WNT9A: variants seen among roughly 807,000 people sequenced by gnomAD.
WNT9A encodes Wnt family member 9A.
In WNT9A, 8 loss-of-function variants were observed where a neutral mutation model predicts 31.4. That is an observed-to-expected ratio of 0.26 (90% CI 0.15 to 0.46). WNT9A has a LOEUF of 0.46. WNT9A is among the 20% of genes least tolerant of loss of function. The pLI is 0.99. For synonymous variants in WNT9A, 236 were observed against 220.1 expected (o/e 1.07, Z -0.64); for missense variants, 457 against 522.9 (o/e 0.87, Z 1.23).
intron 1 of WNT9A, among the ~76,000 whole-genome samples, chr1:227,929,546 A>T (rs926198012): frequency 2.0e-5 from 3 of 152,114 alleles, no homozygotes; most frequent in African/African-American, 7.2e-5. Flanking sequence ...GTCCTTACGG[A>T]CCCCAGGCTG....
intron 1 of WNT9A, among the ~76,000 whole-genome samples, chr1:227,945,479 G>A (rs1666779951): frequency 6.6e-6 from 1 of 152,210 alleles, no homozygotes; most frequent in Non-Finnish European, 1.5e-5. Context: ...CAGGGAGCAG[G>A]CAGGGAGGGC....
chr1:227,942,855 C>A lies in WNT9A; in HGVS notation c.95+4938G>T, dbSNP rs931243313. ...AGTGCTCAGAGCACCCGACCCAGGC[C>A]CCAGCCATGGGGTCACCCCAGATGC... On this transcript the variant is annotated intron_variant, in intron 1 of 3. Transcript: ENST00000272164. This position sits in a 1 kb window ranked among gnomAD's most constrained non-coding sequence, Gnocchi z 5.7. 3.9e-5 allele frequency among the ~76,000 whole-genome samples: 6 copies of A among 152,202 alleles called. No homozygotes were observed. The highest frequency in any genetic ancestry group is 2.6e-4 in the Admixed American group (4 of 15,288).
rs1320582550 is a variant in WNT9A at position 227,947,824 on chromosome 1, C to A, written c.64G>T (p.Ala22Ser). 1.8e-6 allele frequency: 2 copies of A among 1,095,304 alleles called. No individual in the cohort carries two copies. The highest frequency in any genetic ancestry group is 5.5e-5 in the East Asian group (1 of 18,180). The allele number at this position is 1,095,304 out of a possible 1,614,324, so 67.8% of individuals were successfully genotyped here. A position where few individuals can be genotyped will look rare whatever the true frequency, so the allele number is the denominator to read the frequency against. Residue 22 changes from alanine to serine, a missense_variant, in exon 1 of 4, where the codon GCC (alanine) becomes TCC (serine). By Grantham distance (99) the Ala-to-Ser change is moderately conservative. Transcript: ENST00000272164. ...AAAFGLTLLL[A>S]ALRPSAAYFG... Reference sequence around the variant, plus strand: ...TAGGCGGCCGAAGGGCGCAGCGCGGCGAGCAGCAGCGTCAGCCCGAAGGCC... The same window carrying A: ...TAGGCGGCCGAAGGGCGCAGCGCGGAGAGCAGCAGCGTCAGCCCGAAGGCC...
At chr1:227,937,458 G>A (rs2102727397) in intron 1 of WNT9A, among the ~76,000 whole-genome samples, 2 of 152,384 alleles carry the variant, frequency 1.3e-5, no homozygotes, top group Middle Eastern at 6.8e-3. Context: ...TCAGTCAGGG[G>A]CCTTATGTGG....
At chr1:227,944,345 G>A (rs1032775547) in intron 1 of WNT9A, among the ~76,000 whole-genome samples, 3 of 152,222 alleles carry the variant, frequency 2.0e-5, no homozygotes, top group Non-Finnish European at 4.4e-5. Flanking sequence ...GCAGACAAGT[G>A]GTTGCCAGGG....
In WNT9A at chr1:227,918,838, C is replaced by T. The variant is rs1378593779; in HGVS notation, c.*2680G>A. 7.3e-6 allele frequency: 1 copy of T among 136,448 alleles called. No homozygotes were observed. Among genetic ancestry groups the T allele is most frequent in the Non-Finnish European group, 1.6e-5 (1 of 63,098 alleles). The allele number at this position is 136,448 out of a possible 1,614,324, so 8.5% of individuals were successfully genotyped here. On this transcript the variant is annotated 3_prime_UTR_variant, in exon 4 of 4. Coordinates refer to ENST00000272164, the MANE Select transcript of WNT9A (RefSeq NM_003395.4). ...GCCCCTCCCACCCACCCACACCTGG[C>T]CAGAAGCCACCTGGGGGTCCAGGTC...
rs781001833 is a variant in WNT9A, at chr1:227,925,322, C to T, written c.293G>A (p.Arg98His). The change falls in exon 2 of 4, where the codon CGC becomes CAC. Residue 98 changes from arginine to histidine, a missense_variant. Transcript: ENST00000272164. This position sits in a 1 kb window ranked among gnomAD's most constrained non-coding sequence, Gnocchi z 6.0. ...MSALECQFQF[R>H]FERWNCTLEG... is the part of the protein sequence containing the mutation. ...CAGCGTGCAGTTCCAGCGCTCAAAG[C>T]GGAACTGGAACTGGCACTCGAGCGC... 12 of 1,606,432 alleles carry T rather than the reference C, an allele frequency of 7.5e-6. No homozygotes were observed. The highest frequency in any genetic ancestry group is 1.3e-5 in the African/African-American group (1 of 74,740).
rs1277792199 is a variant in WNT9A, at chr1:227,926,954, ACAGGCG to A, written c.96-1441_96-1436del. Among the ~76,000 whole-genome samples the A allele has an allele frequency of 6.6e-6, 1 of 152,118 alleles. No homozygotes were observed. The highest frequency in any genetic ancestry group is 2.4e-5 in the African/African-American group (1 of 41,436). ...CTGAGGGGCACCTGCCTCCAGGGCC[ACAGGCG>A]CAGGCCACAGAAGGAGCAGGTAGTG... On this transcript the variant is annotated intron_variant, in intron 1 of 3. Coordinates refer to ENST00000272164, the MANE Select transcript of WNT9A (RefSeq NM_003395.4). This position sits in a 1 kb window ranked among gnomAD's most constrained non-coding sequence, Gnocchi z 5.0.
intron 1 of WNT9A, among the ~76,000 whole-genome samples, chr1:227,930,239 G>A (rs571429903): frequency 3.9e-5 from 6 of 152,270 alleles, no homozygotes; most frequent in Non-Finnish European, 8.8e-5. Context: ...AATCCATGCC[G>A]AGTCGCGCCC....
At chr1:227,945,536 G>A (rs976805066) in intron 1 of WNT9A, among the ~76,000 whole-genome samples, 24 of 152,286 alleles carry the variant, frequency 1.6e-4, no homozygotes, top group Admixed American at 5.9e-4. Context: ...TCTCCTCTCC[G>A]GGTTCCTGGG....
At position 227,918,853 on chromosome 1, in the gene WNT9A, G is replaced by C. The variant is rs1277941594; in HGVS notation, c.*2665C>G. The stretch of plus-strand genomic sequence containing the variant: ...CCACACCTGGCCAGAAGCCACCTGG[G>C]GGTCCAGGTCCCTCAAGGCAGGGCC... On this transcript the variant is annotated 3_prime_UTR_variant, in exon 4 of 4. Coordinates refer to ENST00000272164, the MANE Select transcript of WNT9A (RefSeq NM_003395.4). 6.6e-6 allele frequency: 1 copy of C among 151,302 alleles called. No individual in the cohort carries two copies. The highest frequency in any genetic ancestry group is 2.4e-5 in the African/African-American group (1 of 41,192). 9.4% of individuals were successfully genotyped at this position (151,302 alleles called of 1,614,324 possible). A position where few individuals can be genotyped will look rare whatever the true frequency, so the allele number is the denominator to read the frequency against.
intron 1 of WNT9A, 97 bp downstream of exon 1, chr1:227,947,696 C>T (rs1429507096): frequency 1.5e-4 from 105 of 718,302 alleles, no homozygotes; most frequent in Non-Finnish European, 1.8e-4. Context: ...CGCGCCCCGG[C>T]CCCAGCCACC....
chr1:227,933,511 C>T (rs1438755909), intron 1 of WNT9A, among the ~76,000 whole-genome samples: 1 of 152,246 alleles, frequency 6.6e-6, no homozygotes, highest in Non-Finnish European at 1.5e-5. Context: ...TTTGCATTCA[C>T]AGCTTGGCTA....
At position 227,919,893 on chromosome 1, in the gene WNT9A, G is replaced by C. The variant is rs1024166527; in HGVS notation, c.*1625C>G. ...TACACCCTCAAACCAAGCCAGGTCA[G>C]TGCAGGTCACCCTGTCCCCAGCACA... On this transcript the variant is annotated 3_prime_UTR_variant, in exon 4 of 4. Coordinates refer to ENST00000272164, the MANE Select transcript of WNT9A (RefSeq NM_003395.4). 5 of 152,454 alleles carry C rather than the reference G, an allele frequency of 3.3e-5. No homozygotes were observed. The highest frequency in any genetic ancestry group is 1.2e-4 in the African/African-American group (5 of 41,400). The allele number at this position is 152,454 out of a possible 1,614,324, so 9.4% of individuals were successfully genotyped here.
chr1:227,926,199 C>T lies in WNT9A; in HGVS notation c.96-680G>A, dbSNP rs893956563. Reference sequence around the variant, plus strand: ...ACATCCTCCTTTGCAGGACAGACCCCAGCTAACCCATCCCCATAGGCCACC... The same window carrying T: ...ACATCCTCCTTTGCAGGACAGACCCTAGCTAACCCATCCCCATAGGCCACC... On this transcript the variant is annotated intron_variant, in intron 1 of 3. Transcript: ENST00000272164. The surrounding 1 kb of genome is among the most constrained non-coding windows in gnomAD (Gnocchi z 5.0). 1.3e-5 allele frequency among the ~76,000 whole-genome samples: 2 copies of T among 152,110 alleles called. No individual in the cohort carries two copies. The highest frequency in any genetic ancestry group is 4.8e-5 in the African/African-American group (2 of 41,410).
chr1:227,922,474 G>A (rs74140811), intron 3 of WNT9A, among the ~76,000 whole-genome samples: 92 of 152,308 alleles, frequency 6.0e-4, no homozygotes, highest in African/African-American at 2.1e-3. Flanking sequence ...CCCTAATATC[G>A]GGAACCAGGT....
In WNT9A at chr1:227,919,629, C is replaced by G. The variant is rs538599795; in HGVS notation, c.*1889G>C. On this transcript the variant is annotated 3_prime_UTR_variant, in exon 4 of 4. Transcript: ENST00000272164. Reference sequence around the variant, plus strand: ...AGCCCAGGGCGAGAGGCTCTGGGAACCTAAGGCACCGCCATGCCACTGACA... The same window carrying G: ...AGCCCAGGGCGAGAGGCTCTGGGAAGCTAAGGCACCGCCATGCCACTGACA... 6.6e-6 allele frequency: 1 copy of G among 151,686 alleles called. No individual in the cohort carries two copies. The highest frequency in any genetic ancestry group is 1.9e-4 in the East Asian group (1 of 5,146). The allele number at this position is 151,686 out of a possible 1,614,324, so 9.4% of individuals were successfully genotyped here. A position where few individuals can be genotyped will look rare whatever the true frequency, so the allele number is the denominator to read the frequency against.
Position 227,947,914 on chromosome 1 carries a change from C to T in WNT9A, c.-27G>A, listed in dbSNP as rs1369625931. The T allele has an allele frequency of 3.8e-6, 4 of 1,047,732 alleles. No homozygotes were observed. The highest frequency in any genetic ancestry group is 5.6e-5 in the Admixed American group (1 of 17,944). The allele number at this position is 1,047,732 out of a possible 1,614,324, so 64.9% of individuals were successfully genotyped here. Reference sequence around the variant, plus strand: ...TTGCCGCGCCTCGGCGGCCGACCATCGCGCTCCCAGCTCCGCGCAGGGCGC... The same window carrying T: ...TTGCCGCGCCTCGGCGGCCGACCATTGCGCTCCCAGCTCCGCGCAGGGCGC... On this transcript the variant is annotated 5_prime_UTR_variant, in exon 1 of 4. Transcript: ENST00000272164.
intron 1 of WNT9A, among the ~76,000 whole-genome samples, chr1:227,947,399 AG>A (rs914753468): frequency 2.0e-5 from 3 of 152,126 alleles, no homozygotes; most frequent in African/African-American, 7.2e-5. Flanking sequence ...GAGAAGAGAA[AG>A]GGGGGGAAGC....
Sources: gnomAD v4.1 joint callset for allele counts (sites outside exome capture counted in the v4.1 genomes callset) on GRCh38, gnomAD v4.1.1 for gene constraint, Gnocchi (gnomAD v3.1) non-coding constraint, MANE v1.5 for transcripts, NCBI Gene and HGNC (gene_info 2026-07-23, HGNC 2026-07-21) for gene names.